Variants in ANTXR2 observed in about 807,000 individuals in gnomAD.
ANTXR2 encodes the protein anthrax toxin receptor 2.
A neutral mutation model predicts 73.7 loss-of-function variants in ANTXR2; 44 were observed. That is an observed-to-expected ratio of 0.60 (90% CI 0.47 to 0.77). ANTXR2 has a LOEUF of 0.77. Among genes scored for constraint, ANTXR2 ranks in the 30% least tolerant of loss-of-function variants. The probability of loss-of-function intolerance (pLI) is 0.00; values close to 1 mark genes in which losing one functional copy is unlikely to be tolerated. For missense variants in ANTXR2, 604 were observed against 592.5 expected (o/e 1.02, Z -0.20); for synonymous variants, 217 against 205.9 (o/e 1.05, Z -0.46).
At chr4:79,964,654 C>G (rs1208366742) in intron 16 of ANTXR2, 12 of 152,306 alleles carry the variant, frequency 7.9e-5, no homozygotes, top group Admixed American at 7.9e-4. Context: ...TGTGTCCACC[C>G]CGACTCCTAC....
intron 7 of ANTXR2, 97 bp from the exon 8 acceptor site, chr4:80,036,129 A>G (rs1732947254): frequency 6.2e-6 from 6 of 968,410 alleles, no homozygotes; most frequent in Non-Finnish European, 9.1e-6. Context: ...GGTCTTCTCC[A>G]TACTTCAATA....
chr4:80,048,134 G>A (rs1401168137), intron 7 of ANTXR2, among the ~76,000 whole-genome samples: 3 of 150,720 alleles, frequency 2.0e-5, no homozygotes, highest in Non-Finnish European at 4.4e-5. Flanking sequence ...AATTTTTAAT[G>A]CTCCAATATA....
At chr4:80,021,888 C>T (rs190907579) in intron 10 of ANTXR2, among the ~76,000 whole-genome samples, 1 of 152,268 alleles carries the variant, frequency 6.6e-6, no homozygotes, top group Admixed American at 6.5e-5. Context: ...GCAGCGTGAT[C>T]AAAATGTAAC....
chr4:80,068,370 A>G (rs1245881640), intron 3 of ANTXR2, among the ~76,000 whole-genome samples: 1 of 152,222 alleles, frequency 6.6e-6, no homozygotes, highest in African/African-American at 2.4e-5. Context: ...CATTCATTCA[A>G]CAAGAATTTA....
At chr4:80,029,086 A>G (rs1401091616) in intron 10 of ANTXR2, among the ~76,000 whole-genome samples, 2 of 152,110 alleles carry the variant, frequency 1.3e-5, no homozygotes, top group African/African-American at 4.8e-5. Flanking sequence ...ATGATTTCTC[A>G]TGTCTGATAT....
chr4:79,924,383 T>C (rs1330561398), intron 16 of ANTXR2, among the ~76,000 whole-genome samples: 2 of 152,056 alleles, frequency 1.3e-5, no homozygotes, highest in Non-Finnish European at 2.9e-5. Flanking sequence ...TCCAGAACTT[T>C]GGGAGGCCTA....
At chr4:79,982,559 G>A (rs577914657) in intron 14 of ANTXR2, among the ~76,000 whole-genome samples, 1 of 152,214 alleles carries the variant, frequency 6.6e-6, no homozygotes, top group East Asian at 1.9e-4. Context: ...CACAACAAAG[G>A]TAAGAAAGGA....
intron 3 of ANTXR2, among the ~76,000 whole-genome samples, chr4:80,065,374 T>C (rs900149716): frequency 6.6e-6 from 1 of 152,172 alleles, no homozygotes; most frequent in Admixed American, 6.5e-5. Flanking sequence ...TGTGCATGTG[T>C]ATACCTCTAC....
chr4:79,987,389 C>T (rs1264042200), intron 12 of ANTXR2, among the ~76,000 whole-genome samples: 1 of 151,620 alleles, frequency 6.6e-6, no homozygotes, highest in Non-Finnish European at 1.5e-5. Context: ...AATCTCAAAA[C>T]TCAAAGACTG....
At chr4:79,935,224 C>CT (rs1004568696) in intron 16 of ANTXR2, among the ~76,000 whole-genome samples, 39 of 146,736 alleles carry the variant, frequency 2.7e-4, no homozygotes, top group South Asian at 1.1e-3. Flanking sequence ...CGCCCCCCAA[C>CT]TTTTTTTTTT....
At chr4:79,922,571 T>A (rs550476977) in intron 16 of ANTXR2, among the ~76,000 whole-genome samples, 1 of 152,234 alleles carries the variant, frequency 6.6e-6, no homozygotes, top group South Asian at 2.1e-4. Flanking sequence ...AGAGACATAA[T>A]TATGATAGTG....
intron 7 of ANTXR2, among the ~76,000 whole-genome samples, chr4:80,044,642 A>G (rs975459756): frequency 6.6e-6 from 1 of 151,950 alleles, no homozygotes; most frequent in Non-Finnish European, 1.5e-5. Flanking sequence ...CAGCTTGACC[A>G]AAACAAAAAC....
intron 16 of ANTXR2, among the ~76,000 whole-genome samples, chr4:79,921,087 T>C (rs1249205034): frequency 8.5e-5 from 13 of 152,126 alleles, no homozygotes; most frequent in Non-Finnish European, 1.9e-4. Context: ...AAAATAGTAA[T>C]TTTTTGCTAC....
At chr4:79,928,062 C>T (rs1362306172) in intron 16 of ANTXR2, among the ~76,000 whole-genome samples, 2 of 152,126 alleles carry the variant, frequency 1.3e-5, no homozygotes, top group Non-Finnish European at 2.9e-5. Context: ...TTTGTACACC[C>T]ATATTCATAG....
At chr4:80,061,269 AGT>A (rs1015291922) in intron 3 of ANTXR2, among the ~76,000 whole-genome samples, 3 of 137,090 alleles carry the variant, frequency 2.2e-5, no homozygotes, top group African/African-American at 8.0e-5. Context: ...AAAAGTAAAA[AGT>A]GTGTGTGTGC....
At chr4:79,921,232 G>A (rs1015089027) in intron 16 of ANTXR2, among the ~76,000 whole-genome samples, 1 of 151,942 alleles carries the variant, frequency 6.6e-6, no homozygotes, top group African/African-American at 2.4e-5. Context: ...GTTGCTTTTG[G>A]CACATTTAAA....
chr4:80,012,319 A>G (rs751302410), intron 11 of ANTXR2, among the ~76,000 whole-genome samples: 1 of 151,682 alleles, frequency 6.6e-6, no homozygotes, highest in Non-Finnish European at 1.5e-5. Flanking sequence ...TCTATTTGGT[A>G]AGACCCCAGC....
At chr4:79,976,584 G>T (rs988234966) in intron 16 of ANTXR2, among the ~76,000 whole-genome samples, 53 of 152,318 alleles carry the variant, frequency 3.5e-4, no homozygotes, top group African/African-American at 1.3e-3. Context: ...TTAAAAGTGG[G>T]TATCAATATG....
At chr4:79,984,280 G>T (rs1398852006) in intron 13 of ANTXR2, among the ~76,000 whole-genome samples, 1 of 152,090 alleles carries the variant, frequency 6.6e-6, no homozygotes, top group African/African-American at 2.4e-5. Flanking sequence ...TACTTAGAAA[G>T]ATAAAATATT....
Sources: allele counts gnomAD v4.1 joint callset (sites outside exome capture counted in the v4.1 genomes callset), GRCh38; gene constraint gnomAD v4.1.1; transcripts MANE v1.5; gene names NCBI Gene and HGNC (gene_info 2026-07-23, HGNC 2026-07-21).